The following TTC3 variants were observed in gnomAD, a reference collection of about 807,000 sequenced individuals.
The protein encoded by TTC3 is E3 ubiquitin-protein ligase TTC3.
A neutral mutation model predicts 249.6 loss-of-function variants in TTC3; 180 were observed. The ratio of observed to expected loss-of-function variants is 0.72; its 90% CI spans 0.64 to 0.82. TTC3 has a LOEUF of 0.82. Ranked by LOEUF, TTC3 falls within the 40% of genes least tolerant of loss-of-function variation. TTC3 has a pLI of 0.00. For missense variants in TTC3, 2,061 were observed against 2,398.4 expected, an observed-to-expected ratio of 0.86 and a Z score of 2.94; for synonymous variants, 717 against 805.0, an observed-to-expected ratio of 0.89 and a Z score of 1.85.
intron 10 of TTC3, among the ~76,000 whole-genome samples, chr21:37,100,623 C>T (rs1433151532): frequency 2.0e-5 from 3 of 152,164 alleles, no homozygotes; most frequent in Non-Finnish European, 4.4e-5. Flanking sequence ...TCAAAACCCC[C>T]CTGGGCCTGC....
chr21:37,168,055 C>T (rs928182128), intron 34 of TTC3, among the ~76,000 whole-genome samples: 3 of 151,884 alleles, frequency 2.0e-5, no homozygotes, highest in African/African-American at 7.3e-5. Context: ...ATTAGAAAAC[C>T]TACTAATATA....
At chr21:37,122,272 A>G (rs1184664217) in intron 12 of TTC3, among the ~76,000 whole-genome samples, 2 of 151,810 alleles carry the variant, frequency 1.3e-5, no homozygotes, top group African/African-American at 4.8e-5. Context: ...TTTGAATAAA[A>G]TAAAAGCTTT....
intron 35 of TTC3, among the ~76,000 whole-genome samples, chr21:37,178,684 G>T (rs562200805): frequency 1.3e-5 from 2 of 152,288 alleles, no homozygotes; most frequent in South Asian, 4.1e-4. Context: ...TTTGGGCCAG[G>T]TGCGGTGGCT....
chr21:37,101,995 A>G (rs2147762342), intron 10 of TTC3, among the ~76,000 whole-genome samples: 1 of 149,758 alleles, frequency 6.7e-6, no homozygotes, highest in African/African-American at 2.4e-5. Context: ...ATTAGTATGT[A>G]GATTTCCATT....
rs1602023761 is a variant in TTC3 at position 37,178,540 on chromosome 21, A to G, written c.4618-4234A>G. 2.0e-5 allele frequency among the ~76,000 whole-genome samples: 3 copies of G among 152,190 alleles called. No individual in the cohort carries two copies. The East Asian group carries it at 5.8e-4, about 29-fold the overall frequency. ...TTGTGGTTTTGATTTTTATTTCCCT[A>G]AAGGCTAATGATGTTGAGCATCTTT... On this transcript the variant is annotated intron_variant, in intron 35 of 45. Coordinates refer to ENST00000355666, the Ensembl canonical transcript of TTC3.
intron 15 of TTC3, among the ~76,000 whole-genome samples, chr21:37,127,726 G>A (rs528967332): frequency 6.6e-6 from 1 of 152,154 alleles, no homozygotes; most frequent in South Asian, 2.1e-4. Flanking sequence ...TCTTTCCATA[G>A]TTTTGCTTCT....
At chr21:37,156,298 A>C (rs1180189040) in intron 27 of TTC3, among the ~76,000 whole-genome samples, 1 of 151,954 alleles carries the variant, frequency 6.6e-6, no homozygotes. Flanking sequence ...TGTCCTCCCA[A>C]AGTGCTGGGG....
At chr21:37,166,263 C>G in exon 33 of TTC3, 1 of 1,614,204 alleles carries the variant, frequency 6.2e-7, no homozygotes, top group Non-Finnish European at 8.5e-7. Flanking sequence ...AGCATATATA[C>G]ACCCTTGGCC....
At chr21:37,094,225 T>C in intron 8 of TTC3, 135 bp downstream of exon 8, 2 of 517,972 alleles carry the variant, frequency 3.9e-6, no homozygotes, top group South Asian at 7.7e-5. Context: ...AGAACTAATA[T>C]CTTGATCAGA....
intron 25 of TTC3, 76 bp downstream of exon 25, chr21:37,150,960 A>C (rs1424259463): frequency 8.8e-7 from 1 of 1,132,312 alleles, no homozygotes; most frequent in Admixed American, 2.4e-5. Flanking sequence ...AGATTTCTAA[A>C]TTATGCCTTT....
chr21:37,126,917 T>C (rs981086427), intron 15 of TTC3, among the ~76,000 whole-genome samples: 1 of 151,816 alleles, frequency 6.6e-6, no homozygotes, highest in Admixed American at 6.6e-5. Context: ...TGCAGTGGCA[T>C]GATCTGGGCT....
At chr21:37,191,301 T>G (rs2084060810) in intron 39 of TTC3, 33 bp from the exon 40 acceptor site, 2 of 1,486,790 alleles carry the variant, frequency 1.3e-6, no homozygotes, top group East Asian at 4.9e-5. Context: ...ATTTTTAAAA[T>G]TTCTAAAGCA....
chr21:37,187,444 T>A (rs1251559639), intron 38 of TTC3, among the ~76,000 whole-genome samples: 1 of 152,236 alleles, frequency 6.6e-6, no homozygotes, highest in Non-Finnish European at 1.5e-5. Flanking sequence ...CTTTGAATAC[T>A]TTCATCATAT....
At chr21:37,189,770 TCTC>T (rs2083784199) in intron 39 of TTC3, among the ~76,000 whole-genome samples, 2 of 151,870 alleles carry the variant, frequency 1.3e-5, no homozygotes, top group African/African-American at 4.8e-5. Flanking sequence ...GTGGTCTCAA[TCTC>T]CTCATCTTGT....
chr21:37,109,103 G>A (rs2075358154), intron 11 of TTC3, among the ~76,000 whole-genome samples: 1 of 152,152 alleles, frequency 6.6e-6, no homozygotes, highest in Non-Finnish European at 1.5e-5. Flanking sequence ...GGCTGAATAG[G>A]AACAGCTCCA....
Position 37,162,083 on chromosome 21 carries a change from T to G in TTC3, c.3170+20T>G, listed in dbSNP as rs772236342. On this transcript the variant is annotated intron_variant, in intron 31 of 45. Coordinates refer to ENST00000355666, the Ensembl canonical transcript of TTC3. ...CCATAGGTAAGTATAATTTTTAAAT[T>G]TTTGCTTCATTTTAACTCAAATGTC... 1 of 1,451,118 alleles carries G rather than the reference T, an allele frequency of 6.9e-7. No homozygotes were observed. Among genetic ancestry groups the G allele is most frequent in the East Asian group, 2.3e-5 (1 of 43,260 alleles). The allele number at this position is 1,451,118 out of a possible 1,614,324, so 89.9% of individuals were successfully genotyped here.
intron 1 of TTC3, among the ~76,000 whole-genome samples, chr21:37,073,961 C>T (rs765977616): frequency 1.3e-5 from 2 of 152,260 alleles, no homozygotes; most frequent in Non-Finnish European, 2.9e-5. Flanking sequence ...AGTGTCTGCG[C>T]ATGGGTCCTG....
At chr21:37,132,560 A>C (rs1488044221) in intron 16 of TTC3, 122 bp from the exon 17 acceptor site, 2 of 527,288 alleles carry the variant, frequency 3.8e-6, no homozygotes, top group East Asian at 4.1e-5. Context: ...TGATCCACCC[A>C]CCTCGGCCTC....
chr21:37,150,193 T>TTG (rs2079336671), intron 24 of TTC3, 23 bp downstream of exon 24: 1 of 1,548,344 alleles, frequency 6.5e-7, no homozygotes, highest in Admixed American at 1.7e-5. Flanking sequence ...GGGGAAACCT[T>TTG]GTTAGATAGA....
Sources: allele counts gnomAD v4.1 joint callset (sites outside exome capture counted in the v4.1 genomes callset), GRCh38; gene constraint gnomAD v4.1.1; transcripts MANE v1.5; gene names NCBI Gene and HGNC (gene_info 2026-07-23, HGNC 2026-07-21).